KCNQ1: variants seen among roughly 807,000 people sequenced by gnomAD.
KCNQ1 encodes potassium voltage-gated channel subfamily Q member 1.
KCNQ1 carries 49 observed loss-of-function variants against 72.4 expected under a neutral mutation model. The ratio of observed to expected loss-of-function variants is 0.68; its 90% CI spans 0.54 to 0.86. The LOEUF (loss-of-function observed/expected upper bound fraction) is 0.86. Among genes scored for constraint, KCNQ1 ranks in the 40% least tolerant of loss-of-function variants. The pLI, the probability that KCNQ1 is intolerant of heterozygous loss-of-function variation, is 0.00. For synonymous variants in KCNQ1, 450 were observed against 412.6 expected (o/e 1.09, Z -1.10); for missense variants, 790 against 945.1 (o/e 0.84, Z 2.15).
rs548827224 is a variant in KCNQ1 at position 2,772,575 on chromosome 11, G to A, written c.1591-3385G>A. Among the ~76,000 whole-genome samples the A allele has an allele frequency of 2.0e-5, 3 of 152,286 alleles. No homozygotes were observed. The highest frequency in any genetic ancestry group is 2.1e-4 in the South Asian group (1 of 4,824). On this transcript the variant is annotated intron_variant, in intron 12 of 15. Coordinates refer to ENST00000155840, the MANE Select transcript of KCNQ1 (RefSeq NM_000218.3). This position sits in a 1 kb window ranked among gnomAD's most constrained non-coding sequence, Gnocchi z 6.6. Reference sequence around the variant, plus strand: ...CTGTGGGCTGGGATGCCACCGGGCCGTGGGTCCTCATGGTCTGCGGGCATT... The same window carrying A: ...CTGTGGGCTGGGATGCCACCGGGCCATGGGTCCTCATGGTCTGCGGGCATT...
In KCNQ1 at chr11:2,457,307, C is replaced by A. The variant is rs1846210936; in HGVS notation, c.386+11823C>A. Reference sequence around the variant, plus strand: ...CAGTCCCGTGTGCTGAGTTTATACCCAAAGAAAAATTAGTCGTTCTACCAA... The same window carrying A: ...CAGTCCCGTGTGCTGAGTTTATACCAAAAGAAAAATTAGTCGTTCTACCAA... On this transcript the variant is annotated intron_variant, in intron 1 of 15. Coordinates refer to ENST00000155840, the MANE Select transcript of KCNQ1 (RefSeq NM_000218.3). This position sits in a 1 kb window ranked among gnomAD's most constrained non-coding sequence, Gnocchi z 5.0. Among the ~76,000 whole-genome samples, 2 of 152,090 alleles carry A rather than the reference C, an allele frequency of 1.3e-5. No individual in the cohort carries two copies. The highest frequency in any genetic ancestry group is 1.3e-4 in the Admixed American group (2 of 15,278).
At position 2,640,164 on chromosome 11, in the gene KCNQ1, C is replaced by T. The variant is rs150513504; in HGVS notation, c.1394-21797C>T. On this transcript the variant is annotated intron_variant, in intron 10 of 15. Coordinates refer to ENST00000155840, the MANE Select transcript of KCNQ1 (RefSeq NM_000218.3). The stretch of plus-strand genomic sequence containing the variant: ...GACCCCTTGTGCTTCCCAGGTGAGG[C>T]GATGCCTCGCCCTACTTCGTCTCAC... The T allele has an allele frequency of 6.5e-3, 2,445 of 373,656 alleles. 17 individuals carry two copies. Among genetic ancestry groups the T allele is most frequent in the Middle Eastern group, 0.015 (22 of 1,466 alleles). 23.1% of individuals were successfully genotyped at this position (373,656 alleles called of 1,614,324 possible). A position where few individuals can be genotyped will look rare whatever the true frequency, so the allele number is the denominator to read the frequency against.
intron 11 of KCNQ1, among the ~76,000 whole-genome samples, chr11:2,718,665 G>C (rs958131531): frequency 1.3e-5 from 2 of 152,218 alleles, no homozygotes; most frequent in Admixed American, 6.5e-5. Context: ...CTCCGTACTA[G>C]ATGACCTGGG....
intron 1 of KCNQ1, among the ~76,000 whole-genome samples, chr11:2,459,711 C>T (rs577671081): frequency 6.6e-6 from 1 of 152,046 alleles, no homozygotes. Flanking sequence ...GCCCCCTCCG[C>T]CCTCCTGCCT....
chr11:2,637,280 T>C (rs920045233), intron 10 of KCNQ1: 1 of 152,224 alleles, frequency 6.6e-6, no homozygotes, highest in African/African-American at 2.4e-5. Flanking sequence ...TGTTAGGGCA[T>C]CAATTTTAGA....
At chr11:2,632,256 T>C (rs767388756) in intron 10 of KCNQ1, 10 of 397,808 alleles carry the variant, frequency 2.5e-5, no homozygotes, top group African/African-American at 4.1e-5. Context: ...CTTTGCTGAA[T>C]TAATTTATTC....
At position 2,570,502 on chromosome 11, in the gene KCNQ1, G is replaced by C. The variant is rs1848313483; in HGVS notation, c.478-126G>C. The C allele has an allele frequency of 3.8e-6, 5 of 1,300,476 alleles. No homozygotes were observed. The South Asian group carries it at 6.3e-5, about 16-fold the overall frequency. The allele number at this position is 1,300,476 out of a possible 1,614,324, so 80.6% of individuals were successfully genotyped here. The stretch of plus-strand genomic sequence containing the variant: ...ACCATCCGCAGCAGGCCAGGACCCG[G>C]GCCTGCTGTTCTCAGGGTGTCCTTC... On this transcript the variant is annotated intron_variant, in intron 2 of 15. Transcript: ENST00000155840.
intron 10 of KCNQ1, chr11:2,610,716 C>CTTTTTTTTTTTTTT (rs1167505141): frequency 1.3e-4 from 30 of 230,160 alleles, no homozygotes; most frequent in East Asian, 3.6e-4. Flanking sequence ...TCTTGGTTGG[C>CTTTTTTTTTTTTTT]TTTTTTTTTT....
Position 2,652,572 on chromosome 11 carries a change from T to C in KCNQ1, c.1394-9389T>C. On this transcript the variant is annotated intron_variant, in intron 10 of 15. Coordinates refer to ENST00000155840, the MANE Select transcript of KCNQ1 (RefSeq NM_000218.3). This position sits in a 1 kb window ranked among gnomAD's most constrained non-coding sequence, Gnocchi z 5.9. The stretch of plus-strand genomic sequence containing the variant: ...CCAGATTCCATTGTATATTAAAGTT[T>C]CCTAGGGCTGCTCTTGCTGCCTGGA... 3 of 398,598 alleles carry C rather than the reference T, an allele frequency of 7.5e-6. No individual in the cohort carries two copies. Among genetic ancestry groups the C allele is most frequent in the Non-Finnish European group, 8.8e-6 (2 of 226,054 alleles). 24.7% of individuals were successfully genotyped at this position (398,598 alleles called of 1,614,324 possible).
At position 2,816,176 on chromosome 11, in the gene KCNQ1, A is replaced by G. The variant is rs1847610229; in HGVS notation, c.1795-31591A>G. 6.6e-6 allele frequency among the ~76,000 whole-genome samples: 1 copy of G among 152,240 alleles called. No individual in the cohort carries two copies. Among genetic ancestry groups the G allele is most frequent in the African/African-American group, 2.4e-5 (1 of 41,462 alleles). On this transcript the variant is annotated intron_variant, in intron 15 of 15. Transcript: ENST00000155840. The surrounding 1 kb of genome is among the most constrained non-coding windows in gnomAD (Gnocchi z 6.8). ...ACCATGGCATTGTGGTTGAAGGGTCAGTGGCCACCAGAGAGTTCCTGCTGC... is the reference window on the plus strand; with the variant it reads ...ACCATGGCATTGTGGTTGAAGGGTCGGTGGCCACCAGAGAGTTCCTGCTGC...
At chr11:2,591,824 G>A (rs1004328302) in intron 10 of KCNQ1, among the ~76,000 whole-genome samples, 5 of 152,372 alleles carry the variant, frequency 3.3e-5, no homozygotes, top group South Asian at 2.1e-4. Flanking sequence ...AGCCCAGGCT[G>A]GAACCACCAG....
At chr11:2,631,118 A>T (rs375573909) in intron 10 of KCNQ1, 3 of 398,590 alleles carry the variant, frequency 7.5e-6, no homozygotes, top group Non-Finnish European at 8.8e-6. Context: ...ATGTCCATCA[A>T]TCTGGGAAGA....
rs1849922148 is a variant in KCNQ1, at chr11:2,659,963, GCAAATATTCTTTC to G, written c.1394-1994_1394-1982del. On this transcript the variant is annotated intron_variant, in intron 10 of 15. Transcript: ENST00000155840. The surrounding 1 kb of genome is among the most constrained non-coding windows in gnomAD (Gnocchi z 4.3). ...AAGTCCTTGACCTGATAGGTGATAT[GCAAATATTCTTTC>G]CAAGTCTGTGCTTTGTCTTTTCATT... 3 of 398,278 alleles carry G rather than the reference GCAAATATTCTTTC, an allele frequency of 7.5e-6. No individual in the cohort carries two copies. Among genetic ancestry groups the G allele is most frequent in the Non-Finnish European group, 1.3e-5 (3 of 225,978 alleles). The allele number at this position is 398,278 out of a possible 1,614,324, so 24.7% of individuals were successfully genotyped here. A position where few individuals can be genotyped will look rare whatever the true frequency, so the allele number is the denominator to read the frequency against.
Position 2,661,970 on chromosome 11 carries a change from G to A in KCNQ1, c.1403G>A (p.Ser468Asn), listed in dbSNP as rs1164903677. ...VDGYDSSVRK[S>N]PTLLEVSMPH... ...CACACTTTCTCCTCAGTAAGGAAGA[G>A]CCCAACACTGCTGGAAGTGAGCATG... The change falls in exon 11 of 16, where the codon AGC becomes AAC. Residue 468 changes from serine to asparagine, a missense_variant. By Grantham distance (46) the Ser-to-Asn change is conservative. This residue lies in a region of KCNQ1 where 178 missense variants were observed against 177.9 expected (regional missense o/e 1.00). Coordinates refer to ENST00000155840, the MANE Select transcript of KCNQ1 (RefSeq NM_000218.3). The surrounding 1 kb of genome is among the most constrained non-coding windows in gnomAD (Gnocchi z 5.9). 1.2e-6 allele frequency: 2 copies of A among 1,614,210 alleles called. No individual in the cohort carries two copies. The highest frequency in any genetic ancestry group is 1.7e-5 in the Admixed American group (1 of 60,032).
chr11:2,615,063 A>AT (rs1268433809), intron 10 of KCNQ1: 1 of 398,224 alleles, frequency 2.5e-6, no homozygotes, highest in Non-Finnish European at 4.4e-6. Flanking sequence ...GTCTTCTTTA[A>AT]TTTTTGTCAA....
chr11:2,617,231 C>T lies in KCNQ1; in HGVS notation c.1393+28377C>T. On this transcript the variant is annotated intron_variant, in intron 10 of 15. Coordinates refer to ENST00000155840, the MANE Select transcript of KCNQ1 (RefSeq NM_000218.3). This position sits in a 1 kb window ranked among gnomAD's most constrained non-coding sequence, Gnocchi z 4.6. ...TTGACCTACATCTTTCCATTTTCTT[C>T]CCCCACACCTTGCCCATGGTAACCA... is the stretch of plus-strand genomic sequence containing the variant. 2.5e-6 allele frequency: 1 copy of T among 398,284 alleles called. No individual in the cohort carries two copies. Among genetic ancestry groups the T allele is most frequent in the African/African-American group, 2.1e-5 (1 of 48,722 alleles). 24.7% of individuals were successfully genotyped at this position (398,284 alleles called of 1,614,324 possible).
In KCNQ1 at chr11:2,516,704, T is replaced by C. The variant is rs1349666370; in HGVS notation, c.387-11224T>C. The stretch of plus-strand genomic sequence containing the variant: ...ATGCTACGGCCACCACCTGATTTTG[T>C]CGATAAAGTTTTATTAGGACACAGC... On this transcript the variant is annotated intron_variant, in intron 1 of 15. Transcript: ENST00000155840. This position sits in a 1 kb window ranked among gnomAD's most constrained non-coding sequence, Gnocchi z 7.0. Among the ~76,000 whole-genome samples the C allele has an allele frequency of 1.3e-5, 2 of 152,118 alleles. No individual in the cohort carries two copies. The highest frequency in any genetic ancestry group is 2.9e-5 in the Non-Finnish European group (2 of 68,024).
At chr11:2,524,938 T>G (rs1159413772) in intron 1 of KCNQ1, among the ~76,000 whole-genome samples, 1 of 152,204 alleles carries the variant, frequency 6.6e-6, no homozygotes, top group Non-Finnish European at 1.5e-5. Flanking sequence ...AGCCCGGCTC[T>G]GCTTCCTCGT....
In KCNQ1 at chr11:2,772,307, A is replaced by AG. The variant is rs1345899349; in HGVS notation, c.1590+3389dup. 2.6e-5 allele frequency among the ~76,000 whole-genome samples: 4 copies of AG among 152,142 alleles called. No homozygotes were observed. Among genetic ancestry groups the AG allele is most frequent in the African/African-American group, 9.6e-5 (4 of 41,508 alleles). ...CCTCTGCCTACCTTGCTGGCTGATA[A>AG]GTCCTTGGCCAACCACCCCTGTGTC... On this transcript the variant is annotated intron_variant, in intron 12 of 15. Transcript: ENST00000155840. The surrounding 1 kb of genome is among the most constrained non-coding windows in gnomAD (Gnocchi z 6.6).
Sources: allele counts gnomAD v4.1 joint callset (sites outside exome capture counted in the v4.1 genomes callset), GRCh38; gene constraint gnomAD v4.1.1; regional missense constraint gnomAD v4.1.1; non-coding constraint Gnocchi (gnomAD v3.1); transcripts MANE v1.5; gene names NCBI Gene and HGNC (gene_info 2026-07-23, HGNC 2026-07-21).